Variants in DMD observed in about 807,000 individuals in gnomAD.
The protein encoded by DMD is mutant dystrophin.
A neutral mutation model predicts 330.1 loss-of-function variants in DMD; 63 were observed. That is an observed-to-expected ratio of 0.19 (90% CI 0.16 to 0.24). The LOEUF (loss-of-function observed/expected upper bound fraction) is 0.24. Among genes scored for constraint, DMD ranks in the 10% least tolerant of loss-of-function variants. The pLI, the probability that DMD is intolerant of heterozygous loss-of-function variation, is 1.00. For synonymous variants in DMD, 1,223 were observed against 959.8 expected, an observed-to-expected ratio of 1.27 and a Z score of -5.07; for missense variants, 3,344 against 2,684.1, an observed-to-expected ratio of 1.25 and a Z score of -5.43.
At chrX:32,887,770 A>AAAACAAAAC (rs2084795993) in intron 2 of DMD, among the ~76,000 whole-genome samples, 2 of 70,337 alleles carry the variant, frequency 2.8e-5, no homozygotes, top group Admixed American at 1.4e-4. Flanking sequence ...AAAAAAAAAA[A>AAAACAAAAC]AAAAAACATC....
chrX:31,278,811 G>A (rs1350235106), intron 62 of DMD, among the ~76,000 whole-genome samples: 1 of 111,944 alleles, frequency 8.9e-6, no homozygotes, highest in African/African-American at 3.2e-5. Context: ...TGACAGAATG[G>A]TCACATTTTA....
intron 29 of DMD, among the ~76,000 whole-genome samples, chrX:32,417,792 C>A (rs1265625725): frequency 1.9e-5 from 2 of 107,039 alleles, no homozygotes; most frequent in Non-Finnish European, 3.8e-5. Flanking sequence ...ATACTTGTAC[C>A]CCAAATAAAC....
chrX:33,247,175 G>C (rs1026483530), intron 1 of DMD, among the ~76,000 whole-genome samples: 5 of 111,812 alleles, frequency 4.5e-5, no homozygotes, highest in Admixed American at 1.9e-4. Context: ...ATCACATGTA[G>C]TTAAACTTTT....
chrX:31,857,378 C>CG (rs200447666), intron 48 of DMD, among the ~76,000 whole-genome samples: 8 of 31,247 alleles, frequency 2.6e-4, no homozygotes, highest in African/African-American at 1.5e-3. Flanking sequence ...GACTCCACCT[C>CG]GGAAAAAAAA....
intron 44 of DMD, among the ~76,000 whole-genome samples, chrX:32,161,937 G>A (rs926129183): frequency 2.7e-5 from 3 of 111,700 alleles, no homozygotes; most frequent in Non-Finnish European, 5.6e-5. Context: ...ACTTGCCTAG[G>A]CCTTAGAGTT....
chrX:31,237,795 C>T (rs1451660197), intron 63 of DMD, among the ~76,000 whole-genome samples: 1 of 111,668 alleles, frequency 9.0e-6, no homozygotes, highest in East Asian at 2.8e-4. Flanking sequence ...TCTCGGCTCA[C>T]TGCAACCTCT....
intron 64 of DMD, among the ~76,000 whole-genome samples, chrX:31,218,099 T>A (rs1419061599): frequency 3.6e-5 from 4 of 111,704 alleles, no homozygotes; most frequent in Non-Finnish European, 7.5e-5. Context: ...ATAAAACACA[T>A]ATGTGAATGG....
At chrX:32,780,926 C>T (rs2074663652) in intron 7 of DMD, among the ~76,000 whole-genome samples, 1 of 99,226 alleles carries the variant, frequency 1.0e-5, no homozygotes, top group Non-Finnish European at 2.0e-5. Context: ...CCCGTCTCTA[C>T]TAAAAATAAA....
intron 60 of DMD, among the ~76,000 whole-genome samples, chrX:31,362,579 G>A (rs1193484865): frequency 8.9e-6 from 1 of 112,467 alleles, no homozygotes; most frequent in Non-Finnish European, 1.9e-5. Context: ...TTTGGATAAG[G>A]AATACTTAAC....
intron 62 of DMD, among the ~76,000 whole-genome samples, chrX:31,296,637 TCTGAG>T (rs1360745047): frequency 8.9e-6 from 1 of 111,914 alleles, no homozygotes; most frequent in Non-Finnish European, 1.9e-5. Context: ...AAAGAACTAC[TCTGAG>T]CTAAGTGAAA....
intron 1 of DMD, among the ~76,000 whole-genome samples, chrX:33,067,311 A>C (rs1025865512): frequency 8.9e-6 from 1 of 112,402 alleles, no homozygotes. Context: ...TCTCCGAATG[A>C]TTATAAAAGC....
Position 32,704,575 on chromosome X carries a change from A to G in DMD, c.650-5282T>C, listed in dbSNP as rs2064435084. Reference sequence around the variant, plus strand: ...TGAAAACAAGCAAGATTTCAAAGATAGCAGGTATAAATGTGCACTCACAAA... The same window carrying G: ...TGAAAACAAGCAAGATTTCAAAGATGGCAGGTATAAATGTGCACTCACAAA... On this transcript the variant is annotated intron_variant, in intron 7 of 78. Transcript: ENST00000357033. Among the ~76,000 whole-genome samples the G allele has an allele frequency of 3.6e-5, 4 of 112,484 alleles. No individual in the cohort carries two copies. The South Asian group carries it at 1.5e-3, about 41-fold the overall frequency.
At chrX:32,566,409 C>T (rs941412494) in intron 15 of DMD, among the ~76,000 whole-genome samples, 6 of 112,113 alleles carry the variant, frequency 5.4e-5, no homozygotes, top group Non-Finnish European at 9.4e-5. Context: ...ACAGTTTTAA[C>T]ATTCGGTTCA....
chrX:31,487,398 C>T (rs779275553), intron 57 of DMD, among the ~76,000 whole-genome samples: 1 of 110,460 alleles, frequency 9.1e-6, no homozygotes, highest in Non-Finnish European at 1.9e-5. Flanking sequence ...GTAGCTGGGA[C>T]TACAGGTGCC....
chrX:32,754,038 T>G (rs779507538), intron 7 of DMD, among the ~76,000 whole-genome samples: 1 of 111,468 alleles, frequency 9.0e-6, no homozygotes, highest in Non-Finnish European at 1.9e-5. Flanking sequence ...AATTGAAAAT[T>G]ACCCCTTTGC....
intron 13 of DMD, among the ~76,000 whole-genome samples, chrX:32,585,019 G>T (rs2054068217): frequency 9.0e-6 from 1 of 111,140 alleles, no homozygotes; most frequent in Admixed American, 9.6e-5. Context: ...GCCATAAAAA[G>T]GAATGAAATA....
Position 31,123,028 on chromosome X carries a change from A to G in DMD, c.11047-1098T>C, listed in dbSNP as rs1370932158. On this transcript the variant is annotated intron_variant, in intron 78 of 78. Transcript: ENST00000357033. ...GCTATTACTACCTTGCCATGTATCA[A>G]CTTTACAGATTCCCATAATAATTGT... Among the ~76,000 whole-genome samples, 5 of 106,075 alleles carry G rather than the reference A, an allele frequency of 4.7e-5. No individual in the cohort carries two copies. In the Admixed American group the frequency reaches 5.0e-4, roughly 11 times the overall value. The allele number at this position is 106,075 out of a possible 115,157, so 92.1% of individuals were successfully genotyped here.
chrX:32,413,118 T>G (rs763947623), intron 29 of DMD, among the ~76,000 whole-genome samples: 7 of 110,563 alleles, frequency 6.3e-5, no homozygotes, highest in Non-Finnish European at 1.3e-4. Flanking sequence ...ATTCTACCCA[T>G]ACCTTAACTT....
At chrX:31,321,117 A>G (rs1395183168) in intron 62 of DMD, among the ~76,000 whole-genome samples, 1 of 112,091 alleles carries the variant, frequency 8.9e-6, no homozygotes, top group Admixed American at 9.5e-5. Context: ...GTAAGAATTT[A>G]CATTATGTTC....
Sources: allele counts gnomAD v4.1 joint callset (sites outside exome capture counted in the v4.1 genomes callset), GRCh38; gene constraint gnomAD v4.1.1; transcripts MANE v1.5; gene names NCBI Gene and HGNC (gene_info 2026-07-23, HGNC 2026-07-21).